CSMD3: variants seen among roughly 807,000 people sequenced by gnomAD.
CSMD3 encodes the protein CUB and Sushi multiple domains 3, also known as CUB and sushi domain-containing protein 3.
CSMD3 carries 177 observed loss-of-function variants against 435.2 expected under a neutral mutation model. The observed-to-expected ratio is 0.41, with a 90% CI of 0.36 to 0.46. The LOEUF is 0.46. CSMD3 is among the 20% of genes least tolerant of loss of function. The pLI is 0.34. For missense variants in CSMD3, 4,265 were observed against 4,504.6 expected, an observed-to-expected ratio of 0.95 and a Z score of 1.52; for synonymous variants, 1,656 against 1,520.5, an observed-to-expected ratio of 1.09 and a Z score of -2.07.
intron 6 of CSMD3, among the ~76,000 whole-genome samples, chr8:113,010,216 T>C (rs1225918197): frequency 1.3e-5 from 2 of 151,694 alleles, no homozygotes; most frequent in Non-Finnish European, 3.0e-5. Flanking sequence ...AAGCCTCTAG[T>C]GAAACTATCT....
rs1822705910 is a variant in CSMD3, at chr8:112,318,689, G to C, written c.7360+148C>G. On this transcript the variant is annotated intron_variant, in intron 47 of 70. Coordinates refer to ENST00000297405, the MANE Select transcript of CSMD3 (RefSeq NM_198123.2). ...GATAAACAGTGGACTATTTCTAAAT[G>C]AAATAGCACATATGAGTTATAAAAT... 4.8e-6 allele frequency: 3 copies of C among 621,472 alleles called. No individual in the cohort carries two copies. The East Asian group carries it at 8.4e-5, about 17-fold the overall frequency. 38.5% of individuals were successfully genotyped at this position (621,472 alleles called of 1,614,324 possible). A position where few individuals can be genotyped will look rare whatever the true frequency, so the allele number is the denominator to read the frequency against.
chr8:112,441,809 C>A (rs978686595), intron 32 of CSMD3, among the ~76,000 whole-genome samples: 2 of 152,118 alleles, frequency 1.3e-5, no homozygotes, highest in African/African-American at 4.8e-5. Flanking sequence ...GGGGACCCCC[C>A]ACCACCCACC....
chr8:113,077,452 A>G (rs971069825), intron 5 of CSMD3, among the ~76,000 whole-genome samples: 2 of 152,214 alleles, frequency 1.3e-5, no homozygotes, highest in Admixed American at 1.3e-4. Flanking sequence ...CTGTAATCCC[A>G]GCACTTTGGG....
At chr8:112,811,087 C>A (rs2079212647) in intron 12 of CSMD3, among the ~76,000 whole-genome samples, 1 of 151,778 alleles carries the variant, frequency 6.6e-6, no homozygotes, top group Non-Finnish European at 1.5e-5. Flanking sequence ...TAAATTAATT[C>A]AATTATATTT....
intron 22 of CSMD3, among the ~76,000 whole-genome samples, chr8:112,604,021 AT>A (rs924384049): frequency 2.6e-4 from 40 of 152,128 alleles, no homozygotes; most frequent in Admixed American, 8.5e-4. Context: ...AATAATATTA[AT>A]TTTTTTTCAA....
intron 66 of CSMD3, among the ~76,000 whole-genome samples, chr8:112,240,956 C>T (rs1377254232): frequency 6.6e-6 from 1 of 152,040 alleles, no homozygotes; most frequent in Non-Finnish European, 1.5e-5. Flanking sequence ...GTGAGGCTTC[C>T]CCAGCCATGT....
intron 1 of CSMD3, among the ~76,000 whole-genome samples, chr8:113,316,372 G>C (rs549107756): frequency 3.3e-5 from 5 of 152,276 alleles, no homozygotes; most frequent in African/African-American, 1.2e-4. Context: ...TATATTTTAT[G>C]TAAGTATGGA....
chr8:112,970,021 A>T (rs1361315562), intron 7 of CSMD3, among the ~76,000 whole-genome samples: 3 of 152,220 alleles, frequency 2.0e-5, no homozygotes, highest in East Asian at 3.9e-4. Flanking sequence ...CTAGTCTAGG[A>T]CTATCAATAC....
At chr8:112,343,000 T>TA (rs1491258188) in intron 41 of CSMD3, among the ~76,000 whole-genome samples, 4,679 of 40,384 alleles carry the variant, frequency 0.12, 267 homozygotes, top group Admixed American at 0.19. Context: ...TATATATATA[T>TA]TTATATATAT....
chr8:113,030,053 T>C (rs1424907476), intron 5 of CSMD3, among the ~76,000 whole-genome samples: 1 of 151,256 alleles, frequency 6.6e-6, no homozygotes, highest in Non-Finnish European at 1.5e-5. Flanking sequence ...ATAAAATACT[T>C]AGGAATACAC....
chr8:112,420,346 G>A (rs1287829356), intron 32 of CSMD3, among the ~76,000 whole-genome samples: 3 of 151,884 alleles, frequency 2.0e-5, no homozygotes, highest in African/African-American at 4.8e-5. Flanking sequence ...AAATGCTTTG[G>A]TATTTGTCTC....
chr8:112,493,228 C>G (rs2130857998), intron 30 of CSMD3, among the ~76,000 whole-genome samples: 1 of 152,000 alleles, frequency 6.6e-6, no homozygotes, highest in Admixed American at 6.5e-5. Flanking sequence ...AATTTAGTAT[C>G]CAATGCATAT....
At chr8:112,291,445 G>T in intron 56 of CSMD3, 65 bp downstream of exon 56, 1 of 1,067,812 alleles carries the variant, frequency 9.4e-7, no homozygotes, top group Non-Finnish European at 1.4e-6. Context: ...ATTTTATAAA[G>T]ATGATAAACA....
chr8:113,117,096 C>T (rs1349077850), intron 4 of CSMD3, among the ~76,000 whole-genome samples: 1 of 152,162 alleles, frequency 6.6e-6, no homozygotes, highest in Non-Finnish European at 1.5e-5. Context: ...AACAAGAAGC[C>T]AAATGTTGAT....
chr8:112,553,066 C>A (rs546908280), intron 25 of CSMD3, among the ~76,000 whole-genome samples: 16 of 152,194 alleles, frequency 1.1e-4, no homozygotes, highest in Admixed American at 1.0e-3. Flanking sequence ...TCACTGCTAA[C>A]AAATTGCAGG....
chr8:113,256,031 G>T (rs919550453), intron 3 of CSMD3, among the ~76,000 whole-genome samples: 4 of 151,842 alleles, frequency 2.6e-5, no homozygotes, highest in African/African-American at 9.7e-5. Context: ...ACATATATCA[G>T]AAGATGCATT....
intron 4 of CSMD3, among the ~76,000 whole-genome samples, chr8:113,122,991 T>C (rs1004123605): frequency 1.3e-5 from 2 of 151,358 alleles, no homozygotes; most frequent in Admixed American, 1.3e-4. Context: ...GGCCCACCCA[T>C]GGGCTTACAC....
At chr8:112,671,552 G>A (rs1013698380) in intron 16 of CSMD3, among the ~76,000 whole-genome samples, 1 of 151,988 alleles carries the variant, frequency 6.6e-6, no homozygotes, top group Non-Finnish European at 1.5e-5. Context: ...CTTCTCCTTT[G>A]CAATAGTCTC....
intron 1 of CSMD3, among the ~76,000 whole-genome samples, chr8:113,410,483 T>C (rs150140153): frequency 2.0e-3 from 299 of 152,264 alleles, no homozygotes; most frequent in Middle Eastern, 0.01. Flanking sequence ...TGCTTGAATA[T>C]GCTTGTCTTC....
Sources: gnomAD v4.1 joint callset for allele counts (sites outside exome capture counted in the v4.1 genomes callset) on GRCh38, gnomAD v4.1.1 for gene constraint, MANE v1.5 for transcripts, NCBI Gene and HGNC (gene_info 2026-07-23, HGNC 2026-07-21) for gene names.